SLC24A1: variants seen among roughly 807,000 people sequenced by gnomAD.
The protein encoded by SLC24A1 is sodium/potassium/calcium exchanger 1.
A neutral mutation model predicts 88.1 loss-of-function variants in SLC24A1; 52 were observed. The ratio of observed to expected loss-of-function variants is 0.59; its 90% CI spans 0.47 to 0.74. The LOEUF (loss-of-function observed/expected upper bound fraction) is 0.74. Ranked by LOEUF, SLC24A1 falls within the 30% of genes least tolerant of loss-of-function variation. The probability of loss-of-function intolerance (pLI) is 0.00; values close to 1 mark genes in which losing one functional copy is unlikely to be tolerated. For missense variants in SLC24A1, 1,173 were observed against 1,363.3 expected (o/e 0.86, Z 2.20); for synonymous variants, 455 against 498.0 (o/e 0.91, Z 1.15).
In SLC24A1 at chr15:65,651,770, A is replaced by T. The variant is rs781500761; in HGVS notation, c.2883+11A>T. On this transcript the variant is annotated intron_variant, in intron 8 of 9. Coordinates refer to ENST00000261892, the MANE Select transcript of SLC24A1 (RefSeq NM_004727.3). ...TGGTGGGCTCACCAGGTGAGTGAAC[A>T]GCAGGAACGAAATCCTCTACCAGCA... is the stretch of plus-strand genomic sequence containing the variant. The T allele has an allele frequency of 2.0e-6, 3 of 1,469,812 alleles. No individual in the cohort carries two copies. The highest frequency in any genetic ancestry group is 2.9e-6 in the Non-Finnish European group (3 of 1,049,496). The allele number at this position is 1,469,812 out of a possible 1,614,324, so 91.0% of individuals were successfully genotyped here. A position where few individuals can be genotyped will look rare whatever the true frequency, so the allele number is the denominator to read the frequency against.
intron 6 of SLC24A1, among the ~76,000 whole-genome samples, chr15:65,648,767 T>C (rs2075396309): frequency 1.3e-5 from 2 of 152,128 alleles, no homozygotes; most frequent in Non-Finnish European, 2.9e-5. Context: ...CCCAAAGTGC[T>C]GAGATTACAG....
At chr15:65,641,055 C>T (rs902269942) in intron 4 of SLC24A1, among the ~76,000 whole-genome samples, 1 of 151,632 alleles carries the variant, frequency 6.6e-6, no homozygotes, top group African/African-American at 2.4e-5. Flanking sequence ...AGTGAGACTC[C>T]ACCTCAAATA....
At chr15:65,635,446 CAAAAA>C (rs56960432) in intron 2 of SLC24A1, among the ~76,000 whole-genome samples, 806 of 58,342 alleles carry the variant, frequency 0.014, 6 homozygotes, top group South Asian at 0.065. Flanking sequence ...ACTCCGTCTC[CAAAAA>C]AAAAAAAAAA....
chr15:65,628,381 C>T (rs2074590238), intron 2 of SLC24A1, among the ~76,000 whole-genome samples: 2 of 152,118 alleles, frequency 1.3e-5, no homozygotes, highest in Admixed American at 1.3e-4. Context: ...TTTTGTGCCT[C>T]CTAAAGGGCC....
At chr15:65,620,604 A>G (rs2074287894), upstream of SLC24A1, among the ~76,000 whole-genome samples, 1 of 152,234 alleles carries the variant, frequency 6.6e-6, no homozygotes, top group African/African-American at 2.4e-5. Context: ...ATAATAAGAC[A>G]GAAGAAACTG....
rs1280765987 is a variant in SLC24A1 at position 65,645,592 on chromosome 15, C to T, written c.2141-20C>T. ...AACCTTGTCCACTCTTCTGATGTAA[C>T]CCATGTTTATCCTTTAAAGAGGAGG... On this transcript the variant is annotated intron_variant, in intron 5 of 9. Coordinates refer to ENST00000261892, the MANE Select transcript of SLC24A1 (RefSeq NM_004727.3). 6.5e-7 allele frequency: 1 copy of T among 1,541,172 alleles called. No individual in the cohort carries two copies. Among genetic ancestry groups the T allele is most frequent in the Non-Finnish European group, 8.8e-7 (1 of 1,136,486 alleles).
intron 1 of SLC24A1, among the ~76,000 whole-genome samples, chr15:65,623,031 C>T (rs1280446234): frequency 3.9e-5 from 6 of 152,134 alleles, no homozygotes; most frequent in Non-Finnish European, 7.4e-5. Flanking sequence ...CATGAGCCAC[C>T]GTGCTCAGCC....
At chr15:65,637,845 GA>G (rs377014194) in intron 2 of SLC24A1, among the ~76,000 whole-genome samples, 37 of 152,214 alleles carry the variant, frequency 2.4e-4, no homozygotes, top group African/African-American at 8.7e-4. Flanking sequence ...TGAGGGTTTT[GA>G]GGTGGGTGAA....
Position 65,654,811 on chromosome 15 carries a change from T to G in SLC24A1, c.*732T>G, listed in dbSNP as rs62014379. ...ACCTTCACCTCCCCGGTTCAAGCAA[T>G]TCTCCTGCCTCAGCCTGAAGTCGTG... is the stretch of plus-strand genomic sequence containing the variant. On this transcript the variant is annotated 3_prime_UTR_variant, in exon 10 of 10. Transcript: ENST00000261892. 62,716 of 1,040,906 alleles carry G rather than the reference T, an allele frequency of 0.06. 2,112 individuals are homozygous for G. Among genetic ancestry groups the G allele is most frequent in the African/African-American group, 0.096 (5,704 of 59,114 alleles). The allele number at this position is 1,040,906 out of a possible 1,614,324, so 64.5% of individuals were successfully genotyped here.
intron 7 of SLC24A1, 79 bp from the exon 8 acceptor site, chr15:65,651,591 T>C (rs544966391): frequency 1.5e-4 from 110 of 743,910 alleles, no homozygotes; most frequent in Non-Finnish European, 2.5e-4. Context: ...TTGTCACTGA[T>C]TGTTGGGCTT....
intron 2 of SLC24A1, among the ~76,000 whole-genome samples, chr15:65,614,289 T>C (rs1003353035): frequency 2.6e-5 from 4 of 152,252 alleles, no homozygotes; most frequent in Admixed American, 6.5e-5. Flanking sequence ...TTTCCTTATG[T>C]ATCTTTAAAA....
Position 65,625,445 on chromosome 15 carries a change from G to T in SLC24A1, c.1365G>T (p.Val455=). ...FSVEERRQGW[V]VLHVFGMMYV... ...TGGAGGAGCGGCGGCAGGGCTGGGTGGTCCTGCACGTTTTTGGCATGATGT... is the reference window on the plus strand; with the variant it reads ...TGGAGGAGCGGCGGCAGGGCTGGGTTGTCCTGCACGTTTTTGGCATGATGT... The change falls in exon 2 of 10, where the codon GTG becomes GTT. Residue 455 remains valine (V), a synonymous_variant. Transcript: ENST00000261892. The T allele has an allele frequency of 1.2e-6, 2 of 1,614,046 alleles. No homozygotes were observed. Among genetic ancestry groups the T allele is most frequent in the Non-Finnish European group, 1.7e-6 (2 of 1,179,900 alleles).
At chr15:65,626,220 G>A (rs897811155) in intron 2 of SLC24A1, among the ~76,000 whole-genome samples, 2 of 152,204 alleles carry the variant, frequency 1.3e-5, no homozygotes, top group African/African-American at 4.8e-5. Context: ...ATTTGCAGGA[G>A]AGAAAACCGA....
intron 4 of SLC24A1, among the ~76,000 whole-genome samples, chr15:65,643,422 T>A (rs2075197134): frequency 6.6e-6 from 1 of 152,202 alleles, no homozygotes; most frequent in Non-Finnish European, 1.5e-5. Flanking sequence ...TGAGGCTTAG[T>A]GCCGGCACAC....
intron 2 of SLC24A1, among the ~76,000 whole-genome samples, chr15:65,630,269 T>C (rs542356335): frequency 1.3e-5 from 2 of 152,256 alleles, no homozygotes; most frequent in Admixed American, 1.3e-4. Context: ...GGATTACAGG[T>C]GTGAGCCACC....
chr15:65,639,739 C>T (rs774056528), intron 4 of SLC24A1, 36 bp downstream of exon 4: 2 of 1,338,442 alleles, frequency 1.5e-6, no homozygotes, highest in Non-Finnish European at 1.1e-6. Context: ...GTGGTTTGCC[C>T]CATCCACTCC....
chr15:65,640,825 G>A (rs2075100887), intron 4 of SLC24A1, among the ~76,000 whole-genome samples: 1 of 151,574 alleles, frequency 6.6e-6, no homozygotes, highest in Non-Finnish European at 1.5e-5. Context: ...TTGGGAGGCC[G>A]AGGCAGGTGG....
intron 3 of SLC24A1, among the ~76,000 whole-genome samples, chr15:65,638,592 A>G (rs937092755): frequency 2.0e-5 from 3 of 152,354 alleles, no homozygotes; most frequent in South Asian, 2.1e-4. Flanking sequence ...GAAAGATAGC[A>G]GGGGAACTGG....
chr15:65,644,437 C>G lies in SLC24A1; in HGVS notation c.2064C>G (p.Ala688=). 1.3e-6 allele frequency: 2 copies of G among 1,591,260 alleles called. No individual in the cohort carries two copies. Among genetic ancestry groups the G allele is most frequent in the South Asian group, 1.1e-5 (1 of 86,982 alleles). The change falls in exon 5 of 10, where the codon GCC becomes GCG. Residue 688 remains alanine, a synonymous_variant. Coordinates refer to ENST00000261892, the MANE Select transcript of SLC24A1 (RefSeq NM_004727.3). ...CTGTCTCATTTGCAGTTCGCCTTGC[C>G]AAGGAGAAGGAGGAGGAGAGCTTGA... ...SLDPLREVRL[A]KEKEEESLNQ... is the part of the protein sequence containing the mutation.
Sources: allele counts gnomAD v4.1 joint callset (sites outside exome capture counted in the v4.1 genomes callset), GRCh38; gene constraint gnomAD v4.1.1; transcripts MANE v1.5; gene names NCBI Gene and HGNC (gene_info 2026-07-23, HGNC 2026-07-21).